Variants in PELI3 observed in about 807,000 individuals in gnomAD.
PELI3 encodes E3 ubiquitin-protein ligase pellino homolog 3.
In PELI3, 19 loss-of-function variants were observed where a neutral mutation model predicts 35.5. The ratio of observed to expected loss-of-function variants is 0.54; its 90% CI spans 0.37 to 0.79. The LOEUF (loss-of-function observed/expected upper bound fraction) is 0.79. Among genes scored for constraint, PELI3 ranks in the 30% least tolerant of loss-of-function variants. The pLI is 0.00. For missense variants in PELI3, 490 were observed against 661.2 expected (o/e 0.74, Z 2.84); for synonymous variants, 262 against 279.2 (o/e 0.94, Z 0.62).
chr11:66,473,358 C>A lies in PELI3; in HGVS notation c.574C>A (p.Leu192Ile). The stretch of plus-strand genomic sequence containing the variant: ...CATCTCCCGCTATGCCTGCCGCATC[C>A]TCTGTGACCGCCGGCCACCCTATAC... ...STISRYACRI[L>I]CDRRPPYTAR... The change falls in exon 6 of 8, where the codon CTC becomes ATC. Residue 192 changes from leucine to isoleucine, a missense_variant. Physicochemically the swap from Leu to Ile is conservative, Grantham distance 5. Coordinates refer to ENST00000320740, the MANE Select transcript of PELI3 (RefSeq NM_145065.3). This position sits in a 1 kb window ranked among gnomAD's most constrained non-coding sequence, Gnocchi z 5.8. 6.2e-7 allele frequency: 1 copy of A among 1,613,654 alleles called. No homozygotes were observed. Among genetic ancestry groups the A allele is most frequent in the South Asian group, 1.1e-5 (1 of 91,088 alleles).
chr11:66,473,129 C>T lies in PELI3; in HGVS notation c.457-112C>T. On this transcript the variant is annotated intron_variant, in intron 5 of 7. Coordinates refer to ENST00000320740, the MANE Select transcript of PELI3 (RefSeq NM_145065.3). This position sits in a 1 kb window ranked among gnomAD's most constrained non-coding sequence, Gnocchi z 5.8. ...TGCCCCTTCTCCAGGGCCTGGCAGC[C>T]TCCTTTTTTGGTGACCTTGCATACA... The T allele has an allele frequency of 8.9e-7, 1 of 1,125,422 alleles. No individual in the cohort carries two copies. The highest frequency in any genetic ancestry group is 1.2e-6 in the Non-Finnish European group (1 of 816,866). 69.7% of individuals were successfully genotyped at this position (1,125,422 alleles called of 1,614,324 possible). A position where few individuals can be genotyped will look rare whatever the true frequency, so the allele number is the denominator to read the frequency against.
chr11:66,476,030 A>G lies in PELI3; in HGVS notation c.1273A>G (p.Lys425Glu). The change falls in exon 8 of 8, where the codon AAG (lysine) becomes GAG (glutamate). Residue 425 changes from lysine to glutamate, a missense_variant. By Grantham distance (56) the Lys-to-Glu change is moderately conservative. This residue lies in a region of PELI3 where 349 missense variants were observed against 484.8 expected (regional missense o/e 0.72). Coordinates refer to ENST00000320740, the MANE Select transcript of PELI3 (RefSeq NM_145065.3). The stretch of plus-strand genomic sequence containing the variant: ...ACCTTGCGGCCACGTCTGCTCTGAG[A>G]AGACTGCCCGCTACTGGGCCCAGAC... ...FAPCGHVCSEKTARYWAQTPL... is the reference protein window; with the variant it reads ...FAPCGHVCSEETARYWAQTPL... 1 of 1,611,884 alleles carries G rather than the reference A, an allele frequency of 6.2e-7. No individual in the cohort carries two copies.
chr11:66,473,726 TGTG>T lies in PELI3; in HGVS notation c.652-8_652-6del, dbSNP rs1404242254. ...CTGGGGGATGTGATCTGATCCCTCATGTGGTCCCAGGAGCGAGCGGCCAAATGG... is the reference window on the plus strand; with the variant it reads ...CTGGGGGATGTGATCTGATCCCTCATGTCCCAGGAGCGAGCGGCCAAATGG... On this transcript the variant is annotated splice_polypyrimidine_tract_variant and splice_region_variant and intron_variant, in intron 6 of 7. Coordinates refer to ENST00000320740, the MANE Select transcript of PELI3 (RefSeq NM_145065.3). This position sits in a 1 kb window ranked among gnomAD's most constrained non-coding sequence, Gnocchi z 5.8. The T allele has an allele frequency of 3.1e-6, 5 of 1,613,180 alleles. No individual in the cohort carries two copies. The highest frequency in any genetic ancestry group is 1.3e-5 in the African/African-American group (1 of 74,918).
At chr11:66,468,763 C>T (rs1565256980) in intron 2 of PELI3, 70 bp from the exon 3 acceptor site, 4 of 754,960 alleles carry the variant, frequency 5.3e-6, no homozygotes, top group East Asian at 2.5e-5. Flanking sequence ...TAGCACATAT[C>T]GAGTGTTCTG....
At chr11:66,472,102 G>T (rs1854741698) in intron 4 of PELI3, among the ~76,000 whole-genome samples, 1 of 148,220 alleles carries the variant, frequency 6.7e-6, no homozygotes, top group Middle Eastern at 3.2e-3. Context: ...TTGAACTCCT[G>T]ACCTCAAGTG....
chr11:66,474,990 CA>C (rs1854855159), intron 7 of PELI3: 1 of 152,420 alleles, frequency 6.6e-6, no homozygotes, highest in South Asian at 2.1e-4. Context: ...CTCGGCCTCC[CA>C]AAGTGCTGGG....
rs1854951197 is a variant in PELI3 at position 66,477,213 on chromosome 11, G to A, written c.*1046G>A. The A allele has an allele frequency of 6.6e-6, 1 of 152,298 alleles. No homozygotes were observed. Among genetic ancestry groups the A allele is most frequent in the African/African-American group, 2.4e-5 (1 of 41,434 alleles). The allele number at this position is 152,298 out of a possible 1,614,324, so 9.4% of individuals were successfully genotyped here. On this transcript the variant is annotated 3_prime_UTR_variant, in exon 8 of 8. Coordinates refer to ENST00000320740, the MANE Select transcript of PELI3 (RefSeq NM_145065.3). ...CGGTCAGGAGTCAACAAAGGGAGGA[G>A]AGAGGACTCACTGGTCAAGAGTGTC...
chr11:66,469,803 T>G (rs1854657115), intron 3 of PELI3, among the ~76,000 whole-genome samples: 1 of 143,216 alleles, frequency 7.0e-6, no homozygotes. Flanking sequence ...TTTTTTTTTT[T>G]GTTTTTTTTT....
At chr11:66,468,672 G>C (rs569776001) in intron 2 of PELI3, among the ~76,000 whole-genome samples, 161 bp from the exon 3 acceptor site, 1 of 152,300 alleles carries the variant, frequency 6.6e-6, no homozygotes, top group Admixed American at 6.5e-5. Context: ...TTTGCAAATG[G>C]GGATGATAAT....
intron 4 of PELI3, 61 bp from the exon 5 acceptor site, chr11:66,472,308 C>T: frequency 1.5e-6 from 2 of 1,352,600 alleles, no homozygotes; most frequent in South Asian, 1.2e-5. Context: ...CAGGTGCTTG[C>T]TCAAGGCATA....
intron 7 of PELI3, chr11:66,474,314 G>A (rs2134697837): frequency 1.8e-6 from 1 of 563,728 alleles, no homozygotes; most frequent in Non-Finnish European, 3.1e-6. Context: ...TTTGTAGCAT[G>A]TCTATCACGT....
Position 66,476,056 on chromosome 11 carries a change from A to T in PELI3, c.1299A>T (p.Thr433=). 1 of 1,610,710 alleles carries T rather than the reference A, an allele frequency of 6.2e-7. No individual in the cohort carries two copies. The highest frequency in any genetic ancestry group is 1.1e-5 in the South Asian group (1 of 90,866). The part of the protein sequence containing the change: ...SEKTARYWAQ[T]PLPHGTHAFH... The stretch of plus-strand genomic sequence containing the variant: ...AGACTGCCCGCTACTGGGCCCAGAC[A>T]CCACTGCCCCACGGCACCCATGCTT... Residue 433 remains threonine (T), a synonymous_variant, in exon 8 of 8, where the codon ACA becomes ACT. Transcript: ENST00000320740.
chr11:66,473,202 T>C lies in PELI3; in HGVS notation c.457-39T>C, dbSNP rs1854779640. On this transcript the variant is annotated intron_variant, in intron 5 of 7. Coordinates refer to ENST00000320740, the MANE Select transcript of PELI3 (RefSeq NM_145065.3). This position sits in a 1 kb window ranked among gnomAD's most constrained non-coding sequence, Gnocchi z 5.8. ...AGGGAAGGCCCATGAGAGTCCCCTA[T>C]GTACATACAGTCCCTGCTTGCTCTC... 2 of 1,559,086 alleles carry C rather than the reference T, an allele frequency of 1.3e-6. No individual in the cohort carries two copies. Among genetic ancestry groups the C allele is most frequent in the African/African-American group, 1.4e-5 (1 of 73,874 alleles).
Position 66,468,120 on chromosome 11 carries a change from C to T in PELI3, c.-1-8C>T. ...CTACAAAGCTCTTTTCTCTCCCACT[C>T]TGCCCAGAATGGTGCTGGAAGGAAA... On this transcript the variant is annotated splice_region_variant and splice_polypyrimidine_tract_variant and intron_variant, in intron 1 of 7. Transcript: ENST00000320740. The T allele has an allele frequency of 6.3e-7, 1 of 1,597,014 alleles. No individual in the cohort carries two copies. The highest frequency in any genetic ancestry group is 8.5e-7 in the Non-Finnish European group (1 of 1,170,778).
intron 3 of PELI3, 123 bp downstream of exon 3, chr11:66,469,027 A>G (rs1045603906): frequency 9.1e-5 from 49 of 538,962 alleles, no homozygotes; most frequent in Non-Finnish European, 1.5e-4. Context: ...GAGAGGAAGC[A>G]ACGTGATCTG....
chr11:66,472,341 T>C lies in PELI3; in HGVS notation c.355-28T>C, dbSNP rs372806432. 2.1e-5 allele frequency: 33 copies of C among 1,582,954 alleles called. No individual in the cohort carries two copies. In the African/African-American group the frequency reaches 4.0e-4, roughly 19 times the overall value. ...ATACACTTATCATGGCTGCACACCC[T>C]GGCAAGTGACTTTTTTCTCCCCACC... On this transcript the variant is annotated intron_variant, in intron 4 of 7. Transcript: ENST00000320740.
At chr11:66,468,765 A>G in intron 2 of PELI3, 68 bp from the exon 3 acceptor site, 1 of 758,318 alleles carries the variant, frequency 1.3e-6, no homozygotes, top group Non-Finnish European at 2.5e-6. Context: ...GCACATATCG[A>G]GTGTTCTGGG....
chr11:66,466,826 C>CG (rs1458058007), upstream of PELI3: 4 of 119,810 alleles, frequency 3.3e-5, no homozygotes, highest in Non-Finnish European at 5.2e-5. Flanking sequence ...CTCCTAGGGG[C>CG]GGGGAAAATG....
intron 5 of PELI3, among the ~76,000 whole-genome samples, chr11:66,472,753 C>A (rs540859583): frequency 6.6e-6 from 1 of 152,202 alleles, no homozygotes; most frequent in Non-Finnish European, 1.5e-5. Flanking sequence ...CCATCACTTA[C>A]CACTGGGTGA....
Sources: allele counts gnomAD v4.1 joint callset (sites outside exome capture counted in the v4.1 genomes callset), GRCh38; gene constraint gnomAD v4.1.1; regional missense constraint gnomAD v4.1.1; non-coding constraint Gnocchi (gnomAD v3.1); transcripts MANE v1.5; gene names NCBI Gene and HGNC (gene_info 2026-07-23, HGNC 2026-07-21).